The following NRXN1 variants were observed in gnomAD, a reference collection of about 807,000 sequenced individuals.
NRXN1 encodes the protein neurexin 1.
A neutral mutation model predicts 150.9 loss-of-function variants in NRXN1; 39 were observed. That is an observed-to-expected ratio of 0.26 (90% CI 0.20 to 0.34). The LOEUF (loss-of-function observed/expected upper bound fraction) is 0.34, where lower values mean the gene tolerates loss of function less well. Ranked by LOEUF, NRXN1 falls within the 10% of genes least tolerant of loss-of-function variation. NRXN1 has a pLI of 1.00. For synonymous variants in NRXN1, 924 were observed against 757.0 expected (o/e 1.22, Z -3.62); for missense variants, 1,815 against 1,949.9 (o/e 0.93, Z 1.30).
At chr2:50,876,666 A>G (rs1678637981) in intron 5 of NRXN1, among the ~76,000 whole-genome samples, 2 of 151,852 alleles carry the variant, frequency 1.3e-5, no homozygotes, top group Admixed American at 1.3e-4. Flanking sequence ...TTCTAATGAG[A>G]TCAAATATGC....
intron 5 of NRXN1, among the ~76,000 whole-genome samples, chr2:50,634,206 A>C (rs1446938891): frequency 1.3e-5 from 2 of 152,196 alleles, no homozygotes; most frequent in African/African-American, 4.8e-5. Context: ...TTTGATTTAC[A>C]TCTCAAAAAT....
At chr2:50,415,541 GATA>G (rs2083474643) in intron 17 of NRXN1, among the ~76,000 whole-genome samples, 1 of 152,138 alleles carries the variant, frequency 6.6e-6, no homozygotes, top group African/African-American at 2.4e-5. Flanking sequence ...ATGAAGCATG[GATA>G]ATGATTTGAA....
intron 5 of NRXN1, among the ~76,000 whole-genome samples, chr2:50,896,548 T>C (rs920744961): frequency 2.0e-5 from 3 of 152,062 alleles, no homozygotes; most frequent in Non-Finnish European, 2.9e-5. Flanking sequence ...AAGTATCTAA[T>C]AGAAAGGTTC....
intron 17 of NRXN1, among the ~76,000 whole-genome samples, chr2:50,359,077 G>A (rs757189376): frequency 2.0e-5 from 3 of 152,000 alleles, no homozygotes; most frequent in Non-Finnish European, 4.4e-5. Context: ...CAGAAAGAAC[G>A]ACCACGCAAA....
At chr2:50,224,575 A>G (rs1250221619) in intron 18 of NRXN1, among the ~76,000 whole-genome samples, 2 of 151,836 alleles carry the variant, frequency 1.3e-5, no homozygotes, top group Non-Finnish European at 2.9e-5. Context: ...CATTTAATAT[A>G]TATTAATTAA....
At chr2:49,959,986 T>C (rs1335614043) in intron 21 of NRXN1, among the ~76,000 whole-genome samples, 4 of 152,178 alleles carry the variant, frequency 2.6e-5, no homozygotes, top group Admixed American at 1.3e-4. Flanking sequence ...GAATGTTCTC[T>C]TTTGCTTTTT....
At chr2:50,973,319 G>C (rs897734726) in intron 2 of NRXN1, among the ~76,000 whole-genome samples, 1 of 152,172 alleles carries the variant, frequency 6.6e-6, no homozygotes. Context: ...GAGAGGTGCA[G>C]AGACATACAT....
chr2:50,888,651 G>T (rs373865604), intron 5 of NRXN1, among the ~76,000 whole-genome samples: 1 of 151,634 alleles, frequency 6.6e-6, no homozygotes, highest in East Asian at 1.9e-4. Context: ...TCAGAAAAAA[G>T]TATAATGTTG....
intron 18 of NRXN1, among the ~76,000 whole-genome samples, chr2:50,213,909 A>G (rs149136695): frequency 2.0e-5 from 3 of 152,058 alleles, no homozygotes; most frequent in Non-Finnish European, 2.9e-5. Flanking sequence ...CACCACATCC[A>G]TCTTTCTAAA....
chr2:50,091,118 C>T (rs1699495971), intron 19 of NRXN1, among the ~76,000 whole-genome samples: 1 of 152,160 alleles, frequency 6.6e-6, no homozygotes, highest in South Asian at 2.1e-4. Flanking sequence ...ATAATGTACA[C>T]CTTCACGTTC....
intron 18 of NRXN1, among the ~76,000 whole-genome samples, chr2:50,118,887 C>T (rs974535315): frequency 6.6e-6 from 1 of 151,792 alleles, no homozygotes; most frequent in Admixed American, 6.6e-5. Context: ...GATTTTGTTG[C>T]ATGTAAGTTA....
At chr2:50,870,554 T>G (rs1286940825) in intron 5 of NRXN1, among the ~76,000 whole-genome samples, 2 of 151,990 alleles carry the variant, frequency 1.3e-5, no homozygotes, top group Non-Finnish European at 2.9e-5. Context: ...TTCTTTTGCA[T>G]AAATCTTCCA....
At chr2:50,049,233 G>T (rs1386331701) in intron 21 of NRXN1, among the ~76,000 whole-genome samples, 3 of 152,124 alleles carry the variant, frequency 2.0e-5, no homozygotes. Context: ...GTACTATCCA[G>T]GCCAACTGGG....
At chr2:50,797,483 CCAAA>C (rs1410574304) in intron 5 of NRXN1, among the ~76,000 whole-genome samples, 9 of 151,910 alleles carry the variant, frequency 5.9e-5, no homozygotes, top group Non-Finnish European at 2.9e-5. Context: ...AACAGCATTC[CCAAA>C]CAAAAAATCA....
chr2:50,420,944 A>T (rs1572905308), intron 17 of NRXN1, among the ~76,000 whole-genome samples: 1 of 144,740 alleles, frequency 6.9e-6, no homozygotes, highest in Non-Finnish European at 1.5e-5. Flanking sequence ...GGTCCTGGTC[A>T]CCCTAGTCAA....
chr2:51,011,200 T>C (rs775423758), intron 2 of NRXN1, among the ~76,000 whole-genome samples: 3 of 152,058 alleles, frequency 2.0e-5, no homozygotes, highest in Non-Finnish European at 4.4e-5. Context: ...TGATATTCTC[T>C]TTTAAGAAAT....
chr2:50,562,256 G>A (rs527284949), intron 8 of NRXN1, among the ~76,000 whole-genome samples: 1 of 151,968 alleles, frequency 6.6e-6, no homozygotes, highest in South Asian at 2.1e-4. Flanking sequence ...ATTAGTATAA[G>A]TATATAATAT....
chr2:50,840,985 G>A (rs1377246852), intron 5 of NRXN1: 3 of 152,516 alleles, frequency 2.0e-5, no homozygotes, highest in South Asian at 2.1e-4. Context: ...TAGCTTTTGC[G>A]AGTCTGCATA....
At chr2:50,619,895 G>T in intron 8 of NRXN1, 127 bp downstream of exon 8, 2 of 781,706 alleles carry the variant, frequency 2.6e-6, no homozygotes, top group Non-Finnish European at 3.9e-6. Context: ...AACAATAGTA[G>T]AATATTGAAT....
Sources: gnomAD v4.1 joint callset for allele counts (sites outside exome capture counted in the v4.1 genomes callset) on GRCh38, gnomAD v4.1.1 for gene constraint, MANE v1.5 for transcripts, NCBI Gene and HGNC (gene_info 2026-07-23, HGNC 2026-07-21) for gene names.